GOLM2: variants seen among roughly 807,000 people sequenced by gnomAD.
GOLM2 encodes protein GOLM2.
A neutral mutation model predicts 55.9 loss-of-function variants in GOLM2; 26 were observed. That is an observed-to-expected ratio of 0.47 (90% confidence interval 0.34 to 0.65). GOLM2 has a LOEUF of 0.65. Ranked by LOEUF, GOLM2 falls within the 30% of genes least tolerant of loss-of-function variation. The pLI is 0.01. For synonymous variants in GOLM2, 165 were observed against 194.6 expected (o/e 0.85, Z 1.27); for missense variants, 486 against 531.8 (o/e 0.91, Z 0.85).
At chr15:44,340,216 G>A (rs1273291847) in intron 6 of GOLM2, among the ~76,000 whole-genome samples, 1 of 147,528 alleles carries the variant, frequency 6.8e-6, no homozygotes, top group African/African-American at 2.6e-5. Flanking sequence ...AAAGTGCTAG[G>A]ATTACAAACA....
intron 1 of GOLM2, among the ~76,000 whole-genome samples, chr15:44,304,372 G>C (rs780046913): frequency 2.0e-5 from 3 of 150,002 alleles, no homozygotes; most frequent in Non-Finnish European, 3.0e-5. Context: ...CTCCTGAGTA[G>C]CTGGGATTAC....
intron 6 of GOLM2, among the ~76,000 whole-genome samples, chr15:44,344,487 C>T (rs964607449): frequency 6.6e-5 from 10 of 151,940 alleles, no homozygotes; most frequent in Admixed American, 4.6e-4. Flanking sequence ...GAATTACCTT[C>T]TTGACCTGGA....
chr15:44,314,749 C>G (rs909970334), intron 1 of GOLM2, among the ~76,000 whole-genome samples: 10 of 152,086 alleles, frequency 6.6e-5, no homozygotes, highest in African/African-American at 2.4e-4. Context: ...AGTATATACA[C>G]AGTAGTCACA....
At chr15:44,309,312 G>T (rs2078858385) in intron 1 of GOLM2, among the ~76,000 whole-genome samples, 1 of 152,196 alleles carries the variant, frequency 6.6e-6, no homozygotes, top group African/African-American at 2.4e-5. Flanking sequence ...CCAGGGACTA[G>T]GGGAAGGGGC....
At chr15:44,398,874 G>A (rs1030583515) in intron 8 of GOLM2, among the ~76,000 whole-genome samples, 1 of 151,654 alleles carries the variant, frequency 6.6e-6, no homozygotes, top group African/African-American at 2.4e-5. Flanking sequence ...CTCCATGTTG[G>A]CCAGGCTGGT....
At chr15:44,341,414 ATTATTACTCT>A (rs1438477888) in intron 6 of GOLM2, among the ~76,000 whole-genome samples, 10 of 151,976 alleles carry the variant, frequency 6.6e-5, no homozygotes, top group African/African-American at 2.4e-4. Context: ...AAATTTTATC[ATTATTACTCT>A]AAATGTGTAA....
At chr15:44,296,266 G>C (rs1034003950) in intron 1 of GOLM2, among the ~76,000 whole-genome samples, 8 of 152,134 alleles carry the variant, frequency 5.3e-5, no homozygotes, top group Non-Finnish European at 8.8e-5. Context: ...AAGCTATGTG[G>C]TCCAGCTGTG....
In GOLM2 at chr15:44,379,774, C is replaced by T; in HGVS notation, c.887C>T (p.Pro296Leu). Residue 296 changes from proline (P) to leucine (L), a missense_variant, in exon 7 of 10, where the codon CCA becomes CTA. By Grantham distance (98) the Pro-to-Leu change is moderately conservative. Transcript: ENST00000299957. ...SHLPTGQPLS[P>L]NMPPDSHINH... ...CTTCCAACTGGACAACCTCTCTCCCCAAATATGCCTCCAGGTATGAAGGCT... is the reference window on the plus strand; with the variant it reads ...CTTCCAACTGGACAACCTCTCTCCCTAAATATGCCTCCAGGTATGAAGGCT... 6.2e-7 allele frequency: 1 copy of T among 1,604,698 alleles called. No individual in the cohort carries two copies. The highest frequency in any genetic ancestry group is 8.5e-7 in the Non-Finnish European group (1 of 1,171,872).
intron 1 of GOLM2, among the ~76,000 whole-genome samples, chr15:44,303,300 T>C (rs1408163324): frequency 6.6e-6 from 1 of 152,148 alleles, no homozygotes; most frequent in Non-Finnish European, 1.5e-5. Flanking sequence ...TATCCACATA[T>C]CTGATTGCAC....
Position 44,379,729 on chromosome 15 carries a change from G to T in GOLM2, c.842G>T (p.Ser281Ile). The change falls in exon 7 of 10, where the codon AGT becomes ATT. Residue 281 changes from serine (S) to isoleucine (I), a missense_variant. Coordinates refer to ENST00000299957, the MANE Select transcript of GOLM2 (RefSeq NM_138423.4). ...KPPISVSQHE[S>I]HQAISHLPTG... ...CCTATTTCAGTTTCTCAACATGAAA[G>T]TCATCAAGCAATCTCCCATCTTCCA... 1.3e-6 allele frequency: 2 copies of T among 1,570,578 alleles called. No homozygotes were observed. The highest frequency in any genetic ancestry group is 1.4e-5 in the African/African-American group (1 of 72,316).
intron 1 of GOLM2, among the ~76,000 whole-genome samples, chr15:44,317,024 A>C (rs1018154257): frequency 9.9e-5 from 15 of 152,106 alleles, no homozygotes; most frequent in African/African-American, 3.6e-4. Flanking sequence ...CCCCACCTCC[A>C]TTAGAATTTT....
At chr15:44,386,585 T>C (rs1207539152) in intron 8 of GOLM2, among the ~76,000 whole-genome samples, 1 of 152,152 alleles carries the variant, frequency 6.6e-6, no homozygotes. Flanking sequence ...TTAAAAGGAA[T>C]TGTGGCTAGG....
chr15:44,403,181 T>A, intron 9 of GOLM2, 127 bp downstream of exon 9: 2 of 1,114,072 alleles, frequency 1.8e-6, no homozygotes, highest in Non-Finnish European at 2.6e-6. Flanking sequence ...TTTTTCTTTG[T>A]GACGGAATTT....
intron 9 of GOLM2, among the ~76,000 whole-genome samples, chr15:44,408,280 A>G (rs1000381080): frequency 3.3e-5 from 5 of 152,168 alleles, no homozygotes; most frequent in African/African-American, 4.8e-5. Flanking sequence ...TTTCATAATC[A>G]TGTACTACTG....
chr15:44,412,213 C>T (rs551727915), intron 9 of GOLM2, among the ~76,000 whole-genome samples: 4 of 152,256 alleles, frequency 2.6e-5, no homozygotes, highest in Admixed American at 6.5e-5. Context: ...TCAGCAGTCT[C>T]ATTTCAAAAC....
At chr15:44,372,973 A>G (rs1210140734) in intron 6 of GOLM2, among the ~76,000 whole-genome samples, 1 of 152,124 alleles carries the variant, frequency 6.6e-6, no homozygotes, top group African/African-American at 2.4e-5. Context: ...CCCTGACCAA[A>G]CTATCTAAAA....
chr15:44,293,337 C>G (rs1182575246), intron 1 of GOLM2, among the ~76,000 whole-genome samples: 1 of 152,200 alleles, frequency 6.6e-6, no homozygotes, highest in Admixed American at 6.5e-5. Flanking sequence ...ATGCATTTGT[C>G]ACAATTAATG....
At chr15:44,300,312 G>A (rs1249460310) in intron 1 of GOLM2, among the ~76,000 whole-genome samples, 1 of 152,056 alleles carries the variant, frequency 6.6e-6, no homozygotes, top group Non-Finnish European at 1.5e-5. Flanking sequence ...TGAAACCCAA[G>A]TATATTAATT....
rs529944752 is a variant in GOLM2 at position 44,355,169 on chromosome 15, AGATCATCCATGATAGCTCTG to A, written c.802+16854_802+16873del. ...CCAACTGCTTAGCATTCTCTGACCA[AGATCATCCATGATAGCTCTG>A]GCATCATGGAGGGACTCCTGACCAC... On this transcript the variant is annotated intron_variant, in intron 6 of 9. Transcript: ENST00000299957. 3.7e-4 allele frequency: 71 copies of A among 194,078 alleles called. 1 individual carries two copies. In the East Asian group the frequency reaches 6.8e-3, roughly 18 times the overall value. 12.0% of individuals were successfully genotyped at this position (194,078 alleles called of 1,614,324 possible). A position where few individuals can be genotyped will look rare whatever the true frequency, so the allele number is the denominator to read the frequency against.
Sources: allele counts gnomAD v4.1 joint callset (sites outside exome capture counted in the v4.1 genomes callset), GRCh38; gene constraint gnomAD v4.1.1; transcripts MANE v1.5; gene names NCBI Gene and HGNC (gene_info 2026-07-23, HGNC 2026-07-21).